The following DIPK1A variants were observed in gnomAD, a reference collection of about 807,000 sequenced individuals.
DIPK1A encodes divergent protein kinase domain 1A.
DIPK1A carries 27 observed loss-of-function variants against 40.8 expected under a neutral mutation model. The ratio of observed to expected loss-of-function variants is 0.66; its 90% confidence interval spans 0.49 to 0.91. DIPK1A has a LOEUF of 0.91. Ranked by LOEUF, DIPK1A falls within the 40% of genes least tolerant of loss-of-function variation. The pLI is 0.00. For missense variants in DIPK1A, 412 were observed against 505.7 expected (o/e 0.81, Z 1.78); for synonymous variants, 166 against 171.3 (o/e 0.97, Z 0.24).
At chr1:92,846,839 A>ACACACACG (rs1557449901) in intron 4 of DIPK1A, among the ~76,000 whole-genome samples, 1 of 4,392 alleles carries the variant, frequency 2.3e-4, no homozygotes, top group African/African-American at 2.4e-3. Context: ...ATATATATAT[A>ACACACACG]TATGTGTGTA....
At position 92,917,397 on chromosome 1, in the gene DIPK1A, G is replaced by A. The variant is rs114776838; in HGVS notation, c.55-40967C>T. Among the ~76,000 whole-genome samples, 1,449 of 152,212 alleles carry A rather than the reference G, an allele frequency of 9.5e-3. 10 individuals carry two copies. Among genetic ancestry groups the A allele is most frequent in the Non-Finnish European group, 0.015 (1,036 of 68,016 alleles). On this transcript the variant is annotated intron_variant, in intron 1 of 4. Coordinates refer to ENST00000370310, the MANE Select transcript of DIPK1A (RefSeq NM_001006605.5). ...ACTATGTCGGTAGTGGGGTGTGTAC[G>A]AGTATGTACACATATAGATAGATAG...
intron 4 of DIPK1A, chr1:92,834,691 A>G (rs757332316): frequency 1.0e-5 from 16 of 1,543,476 alleles, no homozygotes; most frequent in Admixed American, 5.0e-5. Context: ...GTGTCCATCA[A>G]TGTTTTTTTA....
intron 1 of DIPK1A, among the ~76,000 whole-genome samples, chr1:92,896,264 G>C (rs563274137): frequency 6.6e-6 from 1 of 152,106 alleles, no homozygotes; most frequent in East Asian, 1.9e-4. Context: ...ATACTACAAG[G>C]CTACAGTAAC....
Position 92,898,732 on chromosome 1 carries a change from C to T in DIPK1A, c.55-22302G>A, listed in dbSNP as rs1312012762. On this transcript the variant is annotated intron_variant, in intron 1 of 4. Transcript: ENST00000370310. ...TCTTGGCTTCAAGTGATCCTTCTGC[C>T]TTGACTTCCCAAAGTGCTGGGATTA... Among the ~76,000 whole-genome samples, 4 of 152,050 alleles carry T rather than the reference C, an allele frequency of 2.6e-5. No individual in the cohort carries two copies. In the East Asian group the frequency reaches 5.8e-4, roughly 22 times the overall value.
downstream of DIPK1A, chr1:92,837,313 T>C (rs962199152): frequency 1.3e-6 from 1 of 794,478 alleles, no homozygotes; most frequent in African/African-American, 1.7e-5. Context: ...TCCCACTAAC[T>C]GAGCAGTCAG....
downstream of DIPK1A, chr1:92,837,587 A>G (rs1385870362): frequency 4.3e-6 from 7 of 1,612,196 alleles, no homozygotes; most frequent in East Asian, 2.2e-5. Flanking sequence ...GATGCTTACA[A>G]GAAACAGTTC....
At chr1:92,861,136 A>C (rs1647245242) in intron 2 of DIPK1A, among the ~76,000 whole-genome samples, 1 of 152,042 alleles carries the variant, frequency 6.6e-6, no homozygotes. Context: ...TGATCCTAAT[A>C]TCAGTGATTA....
chr1:92,848,011 G>A (rs1309535331), intron 3 of DIPK1A, among the ~76,000 whole-genome samples: 1 of 152,110 alleles, frequency 6.6e-6, no homozygotes, highest in East Asian at 1.9e-4. Flanking sequence ...TGCTGGGATT[G>A]TAGGTATGAG....
chr1:92,944,639 T>C (rs985055717), intron 1 of DIPK1A, among the ~76,000 whole-genome samples: 7 of 152,166 alleles, frequency 4.6e-5, no homozygotes, highest in Admixed American at 3.3e-4. Context: ...TTTTGTTTTG[T>C]TTTGTTTTTC....
intron 4 of DIPK1A, among the ~76,000 whole-genome samples, chr1:92,846,886 C>CATAT (rs765861026): frequency 0.95 from 4,673 of 4,932 alleles, 2,233 homozygotes; most frequent in Admixed American, 0.98. Context: ...TATATATACA[C>CATAT]ACACACGTAT....
At chr1:92,905,845 A>C (rs1265189114) in intron 1 of DIPK1A, among the ~76,000 whole-genome samples, 2 of 152,142 alleles carry the variant, frequency 1.3e-5, no homozygotes, top group Non-Finnish European at 2.9e-5. Context: ...GCATAAGGAT[A>C]TCCAGTTTTC....
At chr1:92,951,880 T>A (rs1651646812) in intron 1 of DIPK1A, among the ~76,000 whole-genome samples, 1 of 151,740 alleles carries the variant, frequency 6.6e-6, no homozygotes, top group African/African-American at 2.4e-5. Flanking sequence ...TTGTTCTAAT[T>A]TATTTGCCTT....
At chr1:92,894,801 A>G (rs1421624947) in intron 1 of DIPK1A, among the ~76,000 whole-genome samples, 1 of 152,146 alleles carries the variant, frequency 6.6e-6, no homozygotes, top group Non-Finnish European at 1.5e-5. Context: ...AATAGAGGCA[A>G]TAAAAAATGA....
chr1:92,891,344 T>G (rs1648866886), intron 1 of DIPK1A, among the ~76,000 whole-genome samples: 1 of 152,146 alleles, frequency 6.6e-6, no homozygotes, highest in East Asian at 1.9e-4. Context: ...ATTTTGGGTT[T>G]GGTTTATTCT....
intron 4 of DIPK1A, chr1:92,846,104 T>C (rs12750269): frequency 0.2 from 31,788 of 159,098 alleles, 3,768 homozygotes; most frequent in Non-Finnish European, 0.26. Flanking sequence ...ACTGACTGTA[T>C]AGAATGAGGA....
chr1:92,872,069 CTTTTTTTT>C (rs148010880), intron 2 of DIPK1A, among the ~76,000 whole-genome samples: 9 of 67,934 alleles, frequency 1.3e-4, no homozygotes, highest in African/African-American at 2.9e-4. Flanking sequence ...TTCTTTAAAT[CTTTTTTTT>C]TTTTTTTTTT....
intron 1 of DIPK1A, among the ~76,000 whole-genome samples, chr1:92,892,018 A>G (rs1406939828): frequency 6.6e-6 from 1 of 152,046 alleles, no homozygotes; most frequent in Non-Finnish European, 1.5e-5. Flanking sequence ...GGAAGCTCCA[A>G]CTGGGTGGAG....
At chr1:92,949,165 C>G (rs752535188) in intron 1 of DIPK1A, among the ~76,000 whole-genome samples, 1 of 151,950 alleles carries the variant, frequency 6.6e-6, no homozygotes, top group Non-Finnish European at 1.5e-5. Context: ...CCCTCCCACT[C>G]CCACCCCCAA....
Position 92,931,929 on chromosome 1 carries a change from G to A in DIPK1A, c.54+29447C>T, listed in dbSNP as rs1322240430. ...TTGAAAAATGCAAATAATGTGACCC[G>A]CAAGTTGTTGAAGAAATACATCAGG... On this transcript the variant is annotated intron_variant, in intron 1 of 4. Transcript: ENST00000370310. The A allele has an allele frequency of 1.2e-4, 29 of 243,326 alleles. No homozygotes were observed. The South Asian group carries it at 1.2e-3, about 10-fold the overall frequency. The allele number at this position is 243,326 out of a possible 1,614,324, so 15.1% of individuals were successfully genotyped here.
Sources: gnomAD v4.1 joint callset for allele counts (sites outside exome capture counted in the v4.1 genomes callset) on GRCh38, gnomAD v4.1.1 for gene constraint, MANE v1.5 for transcripts, NCBI Gene and HGNC (gene_info 2026-07-23, HGNC 2026-07-21) for gene names.